The following CLSTN2 variants were observed in gnomAD, a reference collection of about 807,000 sequenced individuals.
CLSTN2 encodes the protein calsyntenin 2, also known as calsyntenin-2.
A neutral mutation model predicts 101.2 loss-of-function variants in CLSTN2; 48 were observed. That is an observed-to-expected ratio of 0.47 (90% CI 0.38 to 0.60). CLSTN2 has a LOEUF of 0.60. Ranked by LOEUF, CLSTN2 falls within the 20% of genes least tolerant of loss-of-function variation. The pLI is 0.00. For synonymous variants in CLSTN2, 481 were observed against 463.6 expected (o/e 1.04, Z -0.48); for missense variants, 1,160 against 1,238.2 (o/e 0.94, Z 0.95).
At chr3:140,445,348 G>C (rs1933054147) in intron 5 of CLSTN2, among the ~76,000 whole-genome samples, 1 of 152,186 alleles carries the variant, frequency 6.6e-6, no homozygotes, top group Non-Finnish European at 1.5e-5. Context: ...AGACGAGAAA[G>C]GGATGCCTGC....
chr3:140,417,028 A>G (rs1321143933), intron 4 of CLSTN2, among the ~76,000 whole-genome samples: 1 of 152,244 alleles, frequency 6.6e-6, no homozygotes, highest in Non-Finnish European at 1.5e-5. Flanking sequence ...AAGCACAGAG[A>G]AGTATGAAGT....
At chr3:140,331,985 C>T (rs2087387737) in intron 2 of CLSTN2, among the ~76,000 whole-genome samples, 1 of 152,156 alleles carries the variant, frequency 6.6e-6, no homozygotes, top group African/African-American at 2.4e-5. Context: ...CAATAATATG[C>T]TTGGCTCTGG....
chr3:140,294,905 G>T (rs1452972108), intron 2 of CLSTN2, among the ~76,000 whole-genome samples: 2 of 152,114 alleles, frequency 1.3e-5, no homozygotes, highest in Non-Finnish European at 2.9e-5. Flanking sequence ...GGGGGTGGTA[G>T]AGCTCACTTG....
chr3:140,141,470 G>A (rs1442882024), intron 1 of CLSTN2, among the ~76,000 whole-genome samples: 1 of 152,190 alleles, frequency 6.6e-6, no homozygotes, highest in Non-Finnish European at 1.5e-5. Context: ...GGCAATGGCT[G>A]TGTATTCTAG....
At chr3:140,245,382 G>C (rs1188831350) in intron 2 of CLSTN2, among the ~76,000 whole-genome samples, 2,131 of 152,216 alleles carry the variant, frequency 0.014, 51 homozygotes, top group African/African-American at 0.048. Context: ...AAATGAAGAA[G>C]ACCAAGCACC....
At chr3:140,282,222 T>C (rs1168831723) in intron 2 of CLSTN2, among the ~76,000 whole-genome samples, 1 of 152,218 alleles carries the variant, frequency 6.6e-6, no homozygotes, top group East Asian at 1.9e-4. Context: ...GCTTTGATGC[T>C]TCCTGGAATT....
At chr3:140,368,944 A>T (rs1277272841) in intron 2 of CLSTN2, among the ~76,000 whole-genome samples, 1 of 152,158 alleles carries the variant, frequency 6.6e-6, no homozygotes, top group Admixed American at 6.5e-5. Flanking sequence ...AGCATCTGGC[A>T]AGCAGTTAGA....
chr3:140,117,819 C>G (rs1308798306), intron 1 of CLSTN2, among the ~76,000 whole-genome samples: 27 of 152,166 alleles, frequency 1.8e-4, no homozygotes. Flanking sequence ...GGTTACAGAG[C>G]TCAGGGCAGG....
chr3:140,307,316 T>C lies in CLSTN2; in HGVS notation c.233-96313T>C, dbSNP rs534092925. Among the ~76,000 whole-genome samples, 4 of 152,300 alleles carry C rather than the reference T, an allele frequency of 2.6e-5. No homozygotes were observed. In the East Asian group the frequency reaches 7.7e-4, roughly 29 times the overall value. ...GGACATTTCCAAACCCTGTCTAGCT[T>C]CCTGCTACACACCTTGCCGGCCTCC... On this transcript the variant is annotated intron_variant, in intron 2 of 16. Transcript: ENST00000458420.
intron 8 of CLSTN2, among the ~76,000 whole-genome samples, chr3:140,509,919 T>A (rs755456390): frequency 1.3e-5 from 2 of 152,200 alleles, no homozygotes; most frequent in Non-Finnish European, 2.9e-5. Context: ...TATAATGGGG[T>A]TGTTTTCCAA....
chr3:140,417,866 A>G (rs578078923), intron 4 of CLSTN2, among the ~76,000 whole-genome samples: 1 of 152,208 alleles, frequency 6.6e-6, no homozygotes, highest in Non-Finnish European at 1.5e-5. Flanking sequence ...TAATGCTTCA[A>G]ATTCTGTGCT....
chr3:140,429,513 A>C (rs2088606240), intron 5 of CLSTN2, among the ~76,000 whole-genome samples: 1 of 152,152 alleles, frequency 6.6e-6, no homozygotes, highest in African/African-American at 2.4e-5. Context: ...ATCAGAGGGA[A>C]GAAGACTGGA....
intron 1 of CLSTN2, among the ~76,000 whole-genome samples, chr3:140,054,634 G>A (rs2008064899): frequency 6.6e-6 from 1 of 152,160 alleles, no homozygotes; most frequent in Non-Finnish European, 1.5e-5. Context: ...GAGGAGACAA[G>A]ATCTTCACCT....
At chr3:140,211,352 G>A (rs1020080570) in intron 2 of CLSTN2, among the ~76,000 whole-genome samples, 5 of 145,618 alleles carry the variant, frequency 3.4e-5, no homozygotes, top group African/African-American at 7.6e-5. Flanking sequence ...TCCATGACCA[G>A]TAGACATAAG....
At chr3:140,298,574 C>A (rs373849592) in intron 2 of CLSTN2, among the ~76,000 whole-genome samples, 1 of 152,102 alleles carries the variant, frequency 6.6e-6, no homozygotes. Flanking sequence ...CAGGGTTTGT[C>A]CCCCAGGAAC....
intron 8 of CLSTN2, among the ~76,000 whole-genome samples, chr3:140,488,508 A>C (rs1029504616): frequency 1.3e-5 from 2 of 152,112 alleles, no homozygotes; most frequent in Non-Finnish European, 2.9e-5. Flanking sequence ...AGAACACTTG[A>C]CCCATGGAAA....
intron 1 of CLSTN2, among the ~76,000 whole-genome samples, chr3:139,967,382 T>G (rs2107817289): frequency 6.6e-6 from 1 of 152,330 alleles, no homozygotes; most frequent in South Asian, 2.1e-4. Flanking sequence ...ATCATACTTC[T>G]GGGCATTGGG....
chr3:140,479,504 T>C (rs927278094), intron 8 of CLSTN2, among the ~76,000 whole-genome samples: 22 of 152,290 alleles, frequency 1.4e-4, no homozygotes, highest in South Asian at 8.3e-4. Flanking sequence ...AGTAAAATCA[T>C]TCAAGAGAAA....
Position 140,301,632 on chromosome 3 carries a change from G to A in CLSTN2, c.233-101997G>A, listed in dbSNP as rs142357018. Among the ~76,000 whole-genome samples the A allele has an allele frequency of 2.4e-3, 362 of 152,298 alleles. 1 individual carries two copies. Among genetic ancestry groups the A allele is most frequent in the African/African-American group, 8.0e-3 (334 of 41,566 alleles). On this transcript the variant is annotated intron_variant, in intron 2 of 16. Coordinates refer to ENST00000458420, the MANE Select transcript of CLSTN2 (RefSeq NM_022131.3). The stretch of plus-strand genomic sequence containing the variant: ...GTTCATGGATTCTTGCCCCAAAAGG[G>A]TCACAGGGAACCCCAGGATTCCCTG...
Sources: gnomAD v4.1 joint callset for allele counts (sites outside exome capture counted in the v4.1 genomes callset) on GRCh38, gnomAD v4.1.1 for gene constraint, MANE v1.5 for transcripts, NCBI Gene and HGNC (gene_info 2026-07-23, HGNC 2026-07-21) for gene names.